The following PCED1B variants were observed in gnomAD, a reference collection of about 807,000 sequenced individuals.
PCED1B encodes PC-esterase domain containing 1B, also known as PC-esterase domain-containing protein 1B.
For missense variants in PCED1B, 573 were observed against 573.9 expected, an observed-to-expected ratio of 1.00 and a Z score of 0.02; for synonymous variants, 251 against 246.1, an observed-to-expected ratio of 1.02 and a Z score of -0.19.
At chr12:47,112,782 C>T (rs1160124364) in intron 2 of PCED1B, among the ~76,000 whole-genome samples, 3 of 152,196 alleles carry the variant, frequency 2.0e-5, no homozygotes, top group African/African-American at 7.2e-5. Flanking sequence ...TTCAATTCTT[C>T]CCTGGGCTCC....
At chr12:47,234,673 C>T (rs1269246213) in intron 3 of PCED1B, among the ~76,000 whole-genome samples, 1 of 152,196 alleles carries the variant, frequency 6.6e-6, no homozygotes, top group Non-Finnish European at 1.5e-5. Flanking sequence ...GCTAGGCATT[C>T]TGCTAGCACT....
chr12:47,159,366 A>G (rs1941297224), intron 2 of PCED1B, among the ~76,000 whole-genome samples: 1 of 152,154 alleles, frequency 6.6e-6, no homozygotes, highest in Admixed American at 6.5e-5. Flanking sequence ...TCCTACCTAC[A>G]GTGTATAAGA....
intron 2 of PCED1B, among the ~76,000 whole-genome samples, chr12:47,169,674 T>A (rs1941656648): frequency 6.6e-6 from 1 of 152,156 alleles, no homozygotes; most frequent in African/African-American, 2.4e-5. Flanking sequence ...ACAAAGTAAT[T>A]ACTAGTATAT....
chr12:47,129,565 C>T (rs60236423), intron 2 of PCED1B, among the ~76,000 whole-genome samples: 3,474 of 151,512 alleles, frequency 0.023, 110 homozygotes, highest in East Asian at 0.076. Context: ...AATGGCATGC[C>T]CCTCTTATCC....
intron 1 of PCED1B, among the ~76,000 whole-genome samples, chr12:47,080,130 C>T (rs747654776): frequency 3.6e-4 from 55 of 152,082 alleles, no homozygotes; most frequent in Non-Finnish European, 6.2e-4. Flanking sequence ...CCGCGCAGAG[C>T]GGGGAGGGGG....
rs1555145781 is a variant in PCED1B, at chr12:47,174,442, A to AAACAAAATAAATAAAT, written c.-525-41778_-525-41777insCAAAATAAATAAATAA. On this transcript the variant is annotated intron_variant, in intron 2 of 3. Coordinates refer to ENST00000546455, the MANE Select transcript of PCED1B (RefSeq NM_138371.3). The stretch of plus-strand genomic sequence containing the variant: ...AAACAAACAAAACAAACAAACAAAC[A>AAACAAAATAAATAAAT]AAATAAATAAATAAATAAATAAATA... 2.1e-3 allele frequency among the ~76,000 whole-genome samples: 317 copies of AAACAAAATAAATAAAT among 150,992 alleles called. 6 individuals are homozygous for AAACAAAATAAATAAAT. In the South Asian group the frequency reaches 0.033, roughly 16 times the overall value.
At chr12:47,225,035 G>T (rs771052817) in intron 3 of PCED1B, among the ~76,000 whole-genome samples, 1 of 152,102 alleles carries the variant, frequency 6.6e-6, no homozygotes. Context: ...AGGTTCAAAT[G>T]ATTCTCCTGC....
At chr12:47,152,071 T>C (rs1038530698) in intron 2 of PCED1B, among the ~76,000 whole-genome samples, 5 of 152,204 alleles carry the variant, frequency 3.3e-5, no homozygotes, top group African/African-American at 7.2e-5. Context: ...AGATAGATGA[T>C]AGAAATAGAA....
rs973095849 is a variant in PCED1B at position 47,217,492 on chromosome 12, G to GAA, written c.-58+805_-58+806dup. The stretch of plus-strand genomic sequence containing the variant: ...AAAGAGAAAGAAAGAAAGAAAGAAA[G>GAA]AAAGAAAGAAAGAAAGAAAGAAAGA... On this transcript the variant is annotated intron_variant, in intron 3 of 3. Transcript: ENST00000546455. Among the ~76,000 whole-genome samples the GAA allele has an allele frequency of 3.1e-5, 4 of 128,586 alleles. 1 individual carries two copies. Among genetic ancestry groups the GAA allele is most frequent in the Non-Finnish European group, 4.8e-5 (3 of 62,340 alleles). The allele number at this position is 128,586 out of a possible 152,430, so 84.4% of individuals were successfully genotyped here.
At chr12:47,120,945 A>G (rs1939651302) in intron 2 of PCED1B, among the ~76,000 whole-genome samples, 1 of 152,196 alleles carries the variant, frequency 6.6e-6, no homozygotes, top group African/African-American at 2.4e-5. Context: ...TTAACAGGAA[A>G]ATCTATAAAG....
chr12:47,177,812 G>A (rs182702184), intron 2 of PCED1B, among the ~76,000 whole-genome samples: 141 of 152,142 alleles, frequency 9.3e-4, no homozygotes, highest in African/African-American at 3.0e-3. Flanking sequence ...AAATTAACCC[G>A]GTATGGTGGC....
intron 1 of PCED1B, among the ~76,000 whole-genome samples, chr12:47,098,200 A>AG (rs1938557970): frequency 6.6e-6 from 1 of 152,180 alleles, no homozygotes; most frequent in African/African-American, 2.4e-5. Context: ...CAATGAGACC[A>AG]GGGGTAGACT....
In PCED1B at chr12:47,089,461, C is replaced by CATGTATATATATATGTATATATATAT. The variant is rs1233280547; in HGVS notation, c.-609+9738_-609+9739insGTATATATATATGTATATATATATAT. Among the ~76,000 whole-genome samples, 43 of 63,406 alleles carry CATGTATATATATATGTATATATATAT rather than the reference C, an allele frequency of 6.8e-4. 1 individual carries two copies. The highest frequency in any genetic ancestry group is 1.0e-3 in the Non-Finnish European group (35 of 34,442). The allele number at this position is 63,406 out of a possible 152,430, so 41.6% of individuals were successfully genotyped here. On this transcript the variant is annotated intron_variant, in intron 1 of 3. Transcript: ENST00000546455. Reference sequence around the variant, plus strand: ...GACTCCATCTCAAAAAAAAAAAATACATATATATATATATATATATATATA... The same window carrying CATGTATATATATATGTATATATATAT: ...GACTCCATCTCAAAAAAAAAAAATACATGTATATATATATGTATATATATATATATATATATATATATATATATATA...
intron 3 of PCED1B, among the ~76,000 whole-genome samples, chr12:47,232,974 T>C (rs569367020): frequency 6.6e-6 from 1 of 152,020 alleles, no homozygotes; most frequent in Non-Finnish European, 1.5e-5. Context: ...TCTCACTTTG[T>C]GGCCCAGGCG....
Position 47,165,756 on chromosome 12 carries a change from G to A in PCED1B, c.-525-50466G>A, listed in dbSNP as rs200580785. 3.3e-3 allele frequency among the ~76,000 whole-genome samples: 508 copies of A among 152,200 alleles called. 8 individuals are homozygous for A. In the South Asian group the frequency reaches 0.04, roughly 12 times the overall value. ...TAAGGCTGTCTTTGGAGCCGGTTTT[G>A]TTATTCTGTTACATAAGAATGTATT... On this transcript the variant is annotated intron_variant, in intron 2 of 3. Coordinates refer to ENST00000546455, the MANE Select transcript of PCED1B (RefSeq NM_138371.3).
intron 2 of PCED1B, among the ~76,000 whole-genome samples, chr12:47,174,433 CA>C (rs1941858578): frequency 6.8e-6 from 1 of 147,422 alleles, no homozygotes; most frequent in South Asian, 2.2e-4. Context: ...ACAAAACAAA[CA>C]AACAAACAAA....
At chr12:47,119,170 A>G (rs916825299) in intron 2 of PCED1B, among the ~76,000 whole-genome samples, 1 of 152,194 alleles carries the variant, frequency 6.6e-6, no homozygotes, top group African/African-American at 2.4e-5. Flanking sequence ...TGCTGGGACA[A>G]CTGCATAACC....
intron 2 of PCED1B, among the ~76,000 whole-genome samples, chr12:47,174,425 AAAAC>A (rs749070400): frequency 2.6e-4 from 39 of 150,654 alleles, no homozygotes; most frequent in South Asian, 1.2e-3. Flanking sequence ...AAAAACAAAC[AAAAC>A]AAACAAACAA....
intron 2 of PCED1B, among the ~76,000 whole-genome samples, chr12:47,117,104 T>TC (rs1210098220): frequency 6.6e-6 from 1 of 152,196 alleles, no homozygotes; most frequent in East Asian, 1.9e-4. Context: ...CACCATGGAC[T>TC]CCCAGAATGC....
Sources: allele counts gnomAD v4.1 joint callset (sites outside exome capture counted in the v4.1 genomes callset), GRCh38; gene constraint gnomAD v4.1.1; transcripts MANE v1.5; gene names NCBI Gene and HGNC (gene_info 2026-07-23, HGNC 2026-07-21).